Variants in SLIT3 observed in about 807,000 individuals in gnomAD.
SLIT3 encodes the protein slit guidance ligand 3.
A neutral mutation model predicts 184.0 loss-of-function variants in SLIT3; 68 were observed. The ratio of observed to expected loss-of-function variants is 0.37; its 90% CI spans 0.30 to 0.45. The LOEUF (loss-of-function observed/expected upper bound fraction) is 0.45, where lower values mean the gene tolerates loss of function less well. Among genes scored for constraint, SLIT3 ranks in the 20% least tolerant of loss-of-function variants. The probability of loss-of-function intolerance (pLI) is 1.00; values close to 1 mark genes in which losing one functional copy is unlikely to be tolerated. For synonymous variants in SLIT3, 831 were observed against 828.6 expected (o/e 1.00, Z -0.05); for missense variants, 1,707 against 2,026.0 (o/e 0.84, Z 3.02).
chr5:169,106,472 C>T (rs1760211197), intron 4 of SLIT3, among the ~76,000 whole-genome samples: 1 of 152,172 alleles, frequency 6.6e-6, no homozygotes, highest in South Asian at 2.1e-4. Context: ...CAAAGTGAGT[C>T]ATTTTGATGT....
chr5:169,133,493 G>A (rs1418475454), intron 4 of SLIT3, among the ~76,000 whole-genome samples: 1 of 152,194 alleles, frequency 6.6e-6, no homozygotes, highest in African/African-American at 2.4e-5. Context: ...CTGGTTACAA[G>A]AGAAGTCACT....
chr5:168,805,696 T>C (rs1362020968), intron 9 of SLIT3, among the ~76,000 whole-genome samples: 1 of 152,196 alleles, frequency 6.6e-6, no homozygotes, highest in East Asian at 1.9e-4. Flanking sequence ...TCTTGTGTCA[T>C]TACCTAAAAA....
chr5:168,827,652 T>C (rs1377854116), intron 6 of SLIT3, among the ~76,000 whole-genome samples: 1 of 152,192 alleles, frequency 6.6e-6, no homozygotes, highest in African/African-American at 2.4e-5. Flanking sequence ...CCTTTTGCCA[T>C]GTAAGACAAC....
At chr5:168,828,941 G>A (rs1470498544) in intron 6 of SLIT3, among the ~76,000 whole-genome samples, 1 of 152,146 alleles carries the variant, frequency 6.6e-6, no homozygotes, top group African/African-American at 2.4e-5. Context: ...GCCTCTTCTG[G>A]GGCAGGCGTG....
rs1761238735 is a variant in SLIT3 at position 168,671,419 on chromosome 5, G to A, written c.3906C>T (p.Phe1302=). 6.2e-7 allele frequency: 1 copy of A among 1,614,000 alleles called. No homozygotes were observed. The highest frequency in any genetic ancestry group is 8.5e-7 in the Non-Finnish European group (1 of 1,179,996). ...RQGTDRPLGG[F]HGCIHEVRIN... Reference sequence around the variant, plus strand: ...TGCGCACCTCATGGATGCATCCGTGGAAGCCGCCTAGAGGCCGGTCCGTGC... The same window carrying A: ...TGCGCACCTCATGGATGCATCCGTGAAAGCCGCCTAGAGGCCGGTCCGTGC... The change falls in exon 34 of 36, where the codon TTC becomes TTT. Residue 1302 remains phenylalanine (F), a synonymous_variant. Transcript: ENST00000519560.
intron 5 of SLIT3, among the ~76,000 whole-genome samples, chr5:168,878,404 C>T (rs921452104): frequency 2.0e-5 from 3 of 152,310 alleles, no homozygotes; most frequent in East Asian, 1.9e-4. Flanking sequence ...GCTCAGAGGC[C>T]GCCTGCGTCC....
At chr5:168,984,690 T>C (rs1213048183) in intron 4 of SLIT3, among the ~76,000 whole-genome samples, 7 of 152,224 alleles carry the variant, frequency 4.6e-5, no homozygotes, top group African/African-American at 1.7e-4. Context: ...CTGTTTTCTA[T>C]GCTTTAATGG....
At chr5:169,132,001 GC>G (rs764201585) in intron 4 of SLIT3, among the ~76,000 whole-genome samples, 63 of 152,274 alleles carry the variant, frequency 4.1e-4, no homozygotes, top group Non-Finnish European at 7.5e-4. Flanking sequence ...GACAGAAGGA[GC>G]CTGGGTCTTC....
At chr5:168,746,731 T>C (rs1581032153) in intron 20 of SLIT3, among the ~76,000 whole-genome samples, 1 of 74,846 alleles carries the variant, frequency 1.3e-5, no homozygotes, top group South Asian at 5.4e-4. Context: ...TGGCGGTGTG[T>C]GGTGGTGTGC....
chr5:168,965,349 TAAAACAGAAAGATGGGTTTTG>T (rs1235727729), intron 4 of SLIT3, among the ~76,000 whole-genome samples: 1 of 152,214 alleles, frequency 6.6e-6, no homozygotes, highest in African/African-American at 2.4e-5. Flanking sequence ...TAAGTGGATC[TAAAACAGAAAGATGGGTTTTG>T]AAATCATAAT....
chr5:168,686,430 A>C (rs895459519), intron 30 of SLIT3, among the ~76,000 whole-genome samples: 4 of 152,238 alleles, frequency 2.6e-5, no homozygotes, highest in African/African-American at 9.6e-5. Context: ...TGACATACCC[A>C]ACAGCATGGT....
chr5:168,889,915 G>A (rs1176310692), intron 4 of SLIT3, among the ~76,000 whole-genome samples: 5 of 152,086 alleles, frequency 3.3e-5, no homozygotes, highest in African/African-American at 1.2e-4. Context: ...AGGTTGAGGC[G>A]GGTGGATCAC....
intron 6 of SLIT3, among the ~76,000 whole-genome samples, chr5:168,839,643 C>G (rs992533141): frequency 6.6e-6 from 1 of 152,152 alleles, no homozygotes; most frequent in Non-Finnish European, 1.5e-5. Flanking sequence ...TTGTAGCCTC[C>G]GGTTTAAAGA....
At chr5:168,724,672 A>AT (rs891932505) in intron 20 of SLIT3, among the ~76,000 whole-genome samples, 188 bp from the exon 21 acceptor site, 5 of 152,102 alleles carry the variant, frequency 3.3e-5, no homozygotes, top group East Asian at 1.9e-4. Flanking sequence ...AATGAATGAC[A>AT]TTTTTTTCTC....
At chr5:169,274,827 C>A (rs755508672) in intron 1 of SLIT3, among the ~76,000 whole-genome samples, 9 of 152,156 alleles carry the variant, frequency 5.9e-5, no homozygotes, top group Non-Finnish European at 1.2e-4. Context: ...AAATACTTAC[C>A]AGTTGGGTGG....
chr5:169,107,981 T>G (rs1760280459), intron 4 of SLIT3, among the ~76,000 whole-genome samples: 1 of 152,248 alleles, frequency 6.6e-6, no homozygotes, highest in African/African-American at 2.4e-5. Context: ...CTGCTCATTC[T>G]TCACACTCAT....
chr5:168,673,322 T>C lies in SLIT3; in HGVS notation c.3696A>G (p.Thr1232=). Residue 1232 remains threonine, a synonymous_variant, in exon 33 of 36, where the codon ACA becomes ACG. Transcript: ENST00000519560. ...SPPTTVYSVE[T]VNDGQFHSVE... ...CACTGTGAAACTGCCCATCATTCAC[T>C]GTCTCCACACTGGCCAGTAGAGAAG... The C allele has an allele frequency of 6.2e-7, 1 of 1,614,222 alleles. No homozygotes were observed. The highest frequency in any genetic ancestry group is 8.5e-7 in the Non-Finnish European group (1 of 1,180,026).
chr5:169,073,673 T>G (rs115091865), intron 4 of SLIT3, among the ~76,000 whole-genome samples: 128 of 152,154 alleles, frequency 8.4e-4, no homozygotes, highest in Middle Eastern at 3.4e-3. Flanking sequence ...GTTCTTGCCC[T>G]GAGTTTACCT....
At chr5:168,842,791 G>C (rs1409050970) in intron 6 of SLIT3, among the ~76,000 whole-genome samples, 1 of 152,170 alleles carries the variant, frequency 6.6e-6, no homozygotes, top group Non-Finnish European at 1.5e-5. Flanking sequence ...GGGCTGTCAG[G>C]TTGTCACAGC....
Sources: allele counts gnomAD v4.1 joint callset (sites outside exome capture counted in the v4.1 genomes callset), GRCh38; gene constraint gnomAD v4.1.1; transcripts MANE v1.5; gene names NCBI Gene and HGNC (gene_info 2026-07-23, HGNC 2026-07-21).